The following DSCAM variants were observed in gnomAD, a reference collection of about 807,000 sequenced individuals.
The protein encoded by DSCAM is cell adhesion molecule DSCAM.
In DSCAM, 47 loss-of-function variants were observed where a neutral mutation model predicts 217.7. That is an observed-to-expected ratio of 0.22 (90% CI 0.17 to 0.28). DSCAM has a LOEUF of 0.28. DSCAM is among the 10% of genes least tolerant of loss of function. The pLI is 1.00. For synonymous variants in DSCAM, 1,056 were observed against 1,015.3 expected (o/e 1.04, Z -0.76); for missense variants, 2,080 against 2,618.3 (o/e 0.79, Z 4.49).
chr21:40,196,378 C>T (rs1474927462), intron 11 of DSCAM, among the ~76,000 whole-genome samples: 3 of 152,086 alleles, frequency 2.0e-5, no homozygotes, highest in Non-Finnish European at 2.9e-5. Flanking sequence ...GCCTGTATCT[C>T]GGAATCACCT....
chr21:40,468,897 G>A (rs964658688), intron 3 of DSCAM, among the ~76,000 whole-genome samples: 15 of 152,114 alleles, frequency 9.9e-5, no homozygotes, highest in African/African-American at 3.6e-4. Flanking sequence ...AATTCCAGCG[G>A]GAGAGAAAGG....
intron 16 of DSCAM, among the ~76,000 whole-genome samples, chr21:40,154,542 A>G (rs2090457096): frequency 6.6e-6 from 1 of 152,070 alleles, no homozygotes; most frequent in Non-Finnish European, 1.5e-5. Context: ...GCAGTGAACC[A>G]CTGCTTCCGG....
intron 3 of DSCAM, among the ~76,000 whole-genome samples, chr21:40,402,402 A>T (rs2075244586): frequency 6.6e-6 from 1 of 151,952 alleles, no homozygotes; most frequent in Admixed American, 6.6e-5. Context: ...ATGGTATTAG[A>T]TTCCTAAGAA....
At chr21:40,769,299 G>C (rs757416441) in intron 1 of DSCAM, among the ~76,000 whole-genome samples, 1 of 152,222 alleles carries the variant, frequency 6.6e-6, no homozygotes, top group Non-Finnish European at 1.5e-5. Flanking sequence ...AAAATTCTCA[G>C]GTTTCATTTT....
At chr21:40,750,787 T>A (rs888826734) in intron 1 of DSCAM, among the ~76,000 whole-genome samples, 3 of 152,070 alleles carry the variant, frequency 2.0e-5, no homozygotes, top group Non-Finnish European at 2.9e-5. Flanking sequence ...AGTCCTTGAT[T>A]TCTCACTTTT....
intron 8 of DSCAM, among the ~76,000 whole-genome samples, chr21:40,324,899 T>C (rs1411879685): frequency 6.6e-6 from 1 of 152,224 alleles, no homozygotes; most frequent in Non-Finnish European, 1.5e-5. Flanking sequence ...TTTGTTTATA[T>C]GGACTTCTGA....
intron 11 of DSCAM, among the ~76,000 whole-genome samples, chr21:40,252,284 A>C (rs866573461): frequency 6.6e-6 from 1 of 152,128 alleles, no homozygotes; most frequent in African/African-American, 2.4e-5. Flanking sequence ...GGGTGGCCCT[A>C]ATCTTTGGTA....
chr21:40,657,121 A>G (rs2090085237), intron 3 of DSCAM, among the ~76,000 whole-genome samples: 1 of 152,250 alleles, frequency 6.6e-6, no homozygotes, highest in Non-Finnish European at 1.5e-5. Flanking sequence ...GCCACTGGGC[A>G]TAAGAGTGAG....
intron 11 of DSCAM, among the ~76,000 whole-genome samples, chr21:40,264,405 C>T (rs375890692): frequency 1.6e-4 from 24 of 152,038 alleles, no homozygotes; most frequent in East Asian, 5.8e-4. Flanking sequence ...GCTCCACATA[C>T]GCAAGTCAAA....
chr21:40,103,143 G>A (rs2089775997), intron 20 of DSCAM, among the ~76,000 whole-genome samples: 2 of 152,316 alleles, frequency 1.3e-5, no homozygotes, highest in Non-Finnish European at 2.9e-5. Context: ...GGCTGTTCAT[G>A]TCAAACTATT....
intron 3 of DSCAM, among the ~76,000 whole-genome samples, chr21:40,408,021 T>A (rs568608566): frequency 1.3e-5 from 2 of 152,266 alleles, no homozygotes; most frequent in South Asian, 4.1e-4. Flanking sequence ...CCTGGTGGGT[T>A]TACACAGCAC....
intron 3 of DSCAM, among the ~76,000 whole-genome samples, chr21:40,674,315 A>G (rs1202368868): frequency 6.6e-6 from 1 of 152,220 alleles, no homozygotes; most frequent in African/African-American, 2.4e-5. Context: ...CAGTTGTTGT[A>G]GCATTAATTT....
chr21:40,128,455 A>G (rs1479353133), intron 19 of DSCAM, among the ~76,000 whole-genome samples: 1 of 151,940 alleles, frequency 6.6e-6, no homozygotes, highest in Admixed American at 6.6e-5. Context: ...TTCAGGTATC[A>G]TTGAGGTTCT....
rs1568939050 is a variant in DSCAM at position 40,097,961 on chromosome 21, AGAAAGAAAGAAAG to A, written c.3697-4100_3697-4088del. 3.0e-3 allele frequency among the ~76,000 whole-genome samples: 188 copies of A among 62,476 alleles called. 44 individuals are homozygous for A. Among genetic ancestry groups the A allele is most frequent in the African/African-American group, 0.017 (185 of 11,114 alleles). 41.0% of individuals were successfully genotyped at this position (62,476 alleles called of 152,430 possible). Reference sequence around the variant, plus strand: ...GTCTCAAAAAAAAAAAAAAAAAGAAAGAAAGAAAGAAAGAAAGAAAGAAAGAAAGAAAGAAAGA... The same window carrying A: ...GTCTCAAAAAAAAAAAAAAAAAGAAAAAAGAAAGAAAGAAAGAAAGAAAGA... On this transcript the variant is annotated intron_variant, in intron 20 of 32. Transcript: ENST00000400454.
At chr21:40,795,305 C>T (rs1479448675) in intron 1 of DSCAM, among the ~76,000 whole-genome samples, 2 of 152,176 alleles carry the variant, frequency 1.3e-5, no homozygotes, top group African/African-American at 4.8e-5. Flanking sequence ...TCTCACTCCA[C>T]CAAGTGCCCA....
intron 3 of DSCAM, among the ~76,000 whole-genome samples, chr21:40,575,428 G>A (rs1489567554): frequency 2.0e-5 from 3 of 151,892 alleles, no homozygotes; most frequent in Admixed American, 2.0e-4. Flanking sequence ...AATTAAGACA[G>A]TGTAGTTTTG....
At chr21:40,632,891 C>T (rs1040409779) in intron 3 of DSCAM, among the ~76,000 whole-genome samples, 8 of 152,154 alleles carry the variant, frequency 5.3e-5, no homozygotes, top group African/African-American at 7.2e-5. Flanking sequence ...ATGACACCAC[C>T]GATACTCCAT....
At chr21:40,661,597 A>G (rs1021572200) in intron 3 of DSCAM, among the ~76,000 whole-genome samples, 2 of 152,254 alleles carry the variant, frequency 1.3e-5, no homozygotes, top group African/African-American at 4.8e-5. Context: ...GGATTAGAAA[A>G]CAAACAGAAT....
At chr21:40,033,764 G>A (rs1281961786) in intron 32 of DSCAM, among the ~76,000 whole-genome samples, 3 of 151,496 alleles carry the variant, frequency 2.0e-5, no homozygotes, top group African/African-American at 7.4e-5. Flanking sequence ...AACCTCTGCA[G>A]ACTCAAATGT....
Sources: gnomAD v4.1 joint callset for allele counts (sites outside exome capture counted in the v4.1 genomes callset) on GRCh38, gnomAD v4.1.1 for gene constraint, MANE v1.5 for transcripts, NCBI Gene and HGNC (gene_info 2026-07-23, HGNC 2026-07-21) for gene names.